THSD7B: variants seen among roughly 807,000 people sequenced by gnomAD.
THSD7B encodes the protein thrombospondin type-1 domain-containing protein 7B.
A neutral mutation model predicts 213.6 loss-of-function variants in THSD7B; 138 were observed. That is an observed-to-expected ratio of 0.65 (90% CI 0.56 to 0.74). The LOEUF (loss-of-function observed/expected upper bound fraction) is 0.74, where lower values mean the gene tolerates loss of function less well. THSD7B is among the 30% of genes least tolerant of loss of function. The pLI is 0.00. For missense variants in THSD7B, 1,931 were observed against 1,991.5 expected (o/e 0.97, Z 0.58); for synonymous variants, 742 against 687.0 (o/e 1.08, Z -1.25).
At chr2:136,839,525 A>T (rs1215293498) in intron 1 of THSD7B, among the ~76,000 whole-genome samples, 1 of 152,106 alleles carries the variant, frequency 6.6e-6, no homozygotes, top group Non-Finnish European at 1.5e-5. Context: ...TTATTGTTTC[A>T]CTATATACTC....
chr2:137,345,388 C>G (rs718633), intron 12 of THSD7B, among the ~76,000 whole-genome samples: 2 of 151,574 alleles, frequency 1.3e-5, no homozygotes, highest in Non-Finnish European at 3.0e-5. Context: ...AATTTATAAG[C>G]TAGAAATTTA....
intron 2 of THSD7B, among the ~76,000 whole-genome samples, chr2:137,044,306 G>T (rs552642828): frequency 3.3e-5 from 5 of 152,236 alleles, no homozygotes; most frequent in African/African-American, 9.6e-5. Context: ...AGGCATCCAG[G>T]AATTCTTTTT....
intron 2 of THSD7B, among the ~76,000 whole-genome samples, chr2:137,011,523 A>G (rs189814505): frequency 6.6e-6 from 1 of 152,222 alleles, no homozygotes; most frequent in Non-Finnish European, 1.5e-5. Flanking sequence ...CTGCAGTTGT[A>G]ACAAGAAAAA....
Position 137,563,203 on chromosome 2 carries a change from C to T in THSD7B, c.3139-18C>T, listed in dbSNP as rs773871007. 3 of 1,608,076 alleles carry T rather than the reference C, an allele frequency of 1.9e-6. No homozygotes were observed. The highest frequency in any genetic ancestry group is 2.5e-6 in the Non-Finnish European group (3 of 1,176,598). ...TGGATAGTTCCACATAATTTTGTTT[C>T]TTTCCTGTTCTTGACAGGTACATGA... is the stretch of plus-strand genomic sequence containing the variant. On this transcript the variant is annotated intron_variant, in intron 15 of 27. Coordinates refer to ENST00000409968, the MANE Select transcript of THSD7B (RefSeq NM_001316349.2).
chr2:137,316,875 T>A (rs1684123849), intron 12 of THSD7B, among the ~76,000 whole-genome samples: 1 of 152,038 alleles, frequency 6.6e-6, no homozygotes, highest in Non-Finnish European at 1.5e-5. Flanking sequence ...GGATTTATAA[T>A]CATTGACTGT....
chr2:136,847,432 A>G (rs1343551185), intron 1 of THSD7B, among the ~76,000 whole-genome samples: 1 of 152,088 alleles, frequency 6.6e-6, no homozygotes, highest in Admixed American at 6.6e-5. Context: ...GATATTTTGG[A>G]AAGTTTGGGG....
intron 17 of THSD7B, among the ~76,000 whole-genome samples, chr2:137,592,171 A>T (rs1003053321): frequency 1.3e-5 from 2 of 151,742 alleles, no homozygotes; most frequent in Non-Finnish European, 3.0e-5. Flanking sequence ...TATTTTTATT[A>T]AAAAACTTAA....
At chr2:137,590,792 G>GGTTTTTTTTTTTTTTTTT (rs1681847048) in intron 17 of THSD7B, among the ~76,000 whole-genome samples, 1 of 88,716 alleles carries the variant, frequency 1.1e-5, no homozygotes, top group African/African-American at 4.1e-5. Flanking sequence ...CTTTGAAATA[G>GGTTTTTTTTTTTTTTTTT]TTTTTTTTTT....
intron 12 of THSD7B, among the ~76,000 whole-genome samples, chr2:137,340,340 T>C (rs943304178): frequency 1.3e-5 from 2 of 151,936 alleles, no homozygotes; most frequent in Non-Finnish European, 1.5e-5. Flanking sequence ...AAATTGATAG[T>C]TTATAATTAT....
intron 1 of THSD7B, among the ~76,000 whole-genome samples, chr2:136,792,747 T>G (rs1393864921): frequency 6.6e-6 from 1 of 152,082 alleles, no homozygotes; most frequent in Non-Finnish European, 1.5e-5. Flanking sequence ...AATCCCCATT[T>G]CAAACCCAAA....
At chr2:137,066,845 G>T (rs1242003341) in intron 3 of THSD7B, among the ~76,000 whole-genome samples, 1 of 151,988 alleles carries the variant, frequency 6.6e-6, no homozygotes, top group Admixed American at 6.6e-5. Context: ...TACATCATTT[G>T]TAGTTCTACC....
At chr2:137,320,859 A>AT (rs924995045) in intron 12 of THSD7B, among the ~76,000 whole-genome samples, 11 of 152,166 alleles carry the variant, frequency 7.2e-5, no homozygotes, top group African/African-American at 2.4e-4. Flanking sequence ...ATCAGATGGC[A>AT]TTTTTTTCTC....
chr2:137,669,981 C>T (rs979008870), intron 27 of THSD7B, among the ~76,000 whole-genome samples: 3 of 151,492 alleles, frequency 2.0e-5, no homozygotes, highest in Admixed American at 1.3e-4. Flanking sequence ...CTTTCTAGAG[C>T]ATTTATATAT....
At chr2:136,903,432 G>GTTGT (rs1384162621) in intron 2 of THSD7B, among the ~76,000 whole-genome samples, 1 of 152,122 alleles carries the variant, frequency 6.6e-6, no homozygotes, top group Non-Finnish European at 1.5e-5. Flanking sequence ...TGTTGTTGCT[G>GTTGT]TTGTTTGTTT....
intron 12 of THSD7B, among the ~76,000 whole-genome samples, chr2:137,381,762 A>G (rs1685780904): frequency 6.6e-6 from 1 of 152,180 alleles, no homozygotes; most frequent in Non-Finnish European, 1.5e-5. Context: ...TGTCTTTGGA[A>G]CACCAATTCC....
chr2:136,830,641 T>C (rs1167264627), intron 1 of THSD7B, among the ~76,000 whole-genome samples: 1 of 152,192 alleles, frequency 6.6e-6, no homozygotes, highest in Non-Finnish European at 1.5e-5. Context: ...TTTCAGACTT[T>C]TGTTTCCCAT....
At chr2:136,768,446 C>A (rs1681446103) in intron 1 of THSD7B, among the ~76,000 whole-genome samples, 1 of 152,072 alleles carries the variant, frequency 6.6e-6, no homozygotes, top group African/African-American at 2.4e-5. Flanking sequence ...GCACACTTTA[C>A]AAAGATTAGG....
intron 3 of THSD7B, among the ~76,000 whole-genome samples, chr2:137,074,722 T>A (rs569026870): frequency 4.0e-4 from 61 of 152,260 alleles, no homozygotes; most frequent in Admixed American, 2.0e-3. Flanking sequence ...AGTGGCTGGT[T>A]CCGGTTGTTC....
intron 12 of THSD7B, among the ~76,000 whole-genome samples, chr2:137,332,215 AG>A (rs2104895312): frequency 6.6e-6 from 1 of 152,306 alleles, no homozygotes; most frequent in Admixed American, 6.5e-5. Context: ...GCCACGGGAC[AG>A]AGCAGCTGAA....
Sources: gnomAD v4.1 joint callset for allele counts (sites outside exome capture counted in the v4.1 genomes callset) on GRCh38, gnomAD v4.1.1 for gene constraint, MANE v1.5 for transcripts, NCBI Gene and HGNC (gene_info 2026-07-23, HGNC 2026-07-21) for gene names.